The following ACOXL variants were observed in gnomAD, a reference collection of about 807,000 sequenced individuals.
The protein encoded by ACOXL is acyl-CoA oxidase like.
ACOXL carries 70 observed loss-of-function variants against 71.9 expected under a neutral mutation model. The ratio of observed to expected loss-of-function variants is 0.97; its 90% CI spans 0.80 to 1.19. ACOXL has a LOEUF of 1.19. Ranked by LOEUF, ACOXL falls within the 50% of genes most tolerant of loss-of-function variation. ACOXL has a pLI of 0.00. For missense variants in ACOXL, 703 were observed against 736.3 expected (o/e 0.95, Z 0.52); for synonymous variants, 253 against 281.6 (o/e 0.90, Z 1.02).
In ACOXL at chr2:111,039,700, C is replaced by A. The variant is rs547343292; in HGVS notation, c.1369+7986C>A. Among the ~76,000 whole-genome samples, 194 of 152,324 alleles carry A rather than the reference C, an allele frequency of 1.3e-3. 1 individual carries two copies. The highest frequency in any genetic ancestry group is 4.6e-3 in the African/African-American group (192 of 41,560). On this transcript the variant is annotated intron_variant, in intron 15 of 17. Coordinates refer to ENST00000439055, the MANE Select transcript of ACOXL (RefSeq NM_001142807.4). Reference sequence around the variant, plus strand: ...CCCCTGAAAATCACTCAGAAGTTCTCCCTTCATTGGCCACCTGGAAAATAA... The same window carrying A: ...CCCCTGAAAATCACTCAGAAGTTCTACCTTCATTGGCCACCTGGAAAATAA...
chr2:111,029,581 C>CT (rs1470952486), intron 14 of ACOXL, among the ~76,000 whole-genome samples: 1 of 152,236 alleles, frequency 6.6e-6, no homozygotes, highest in Non-Finnish European at 1.5e-5. Flanking sequence ...CCAATAAACT[C>CT]TAATTCAAGG....
At chr2:111,017,124 G>A (rs2064484472) in intron 14 of ACOXL, among the ~76,000 whole-genome samples, 1 of 152,240 alleles carries the variant, frequency 6.6e-6, no homozygotes. Context: ...CCGCACTACA[G>A]TTTCTTGAAG....
intron 12 of ACOXL, among the ~76,000 whole-genome samples, chr2:110,948,943 C>T (rs1047656664): frequency 6.6e-6 from 1 of 152,024 alleles, no homozygotes; most frequent in African/African-American, 2.4e-5. Flanking sequence ...AAATACCTCA[C>T]AGCAACCCCC....
At chr2:111,084,349 T>G (rs2068095295) in intron 16 of ACOXL, among the ~76,000 whole-genome samples, 1 of 150,578 alleles carries the variant, frequency 6.6e-6, no homozygotes, top group Admixed American at 6.6e-5. Context: ...TGTCCAAATA[T>G]AAACACAAAG....
At chr2:111,063,491 T>C (rs2066914643) in intron 16 of ACOXL, among the ~76,000 whole-genome samples, 1 of 152,114 alleles carries the variant, frequency 6.6e-6, no homozygotes, top group African/African-American at 2.4e-5. Flanking sequence ...CCAATCTAAT[T>C]CTTCATATTA....
At chr2:110,896,074 A>G (rs985472992) in intron 10 of ACOXL, among the ~76,000 whole-genome samples, 3 of 152,132 alleles carry the variant, frequency 2.0e-5, no homozygotes, top group African/African-American at 7.2e-5. Flanking sequence ...TAATAGAAGA[A>G]ATATTTAAGA....
chr2:110,894,070 CT>C (rs1164352444), intron 10 of ACOXL, among the ~76,000 whole-genome samples: 1 of 152,060 alleles, frequency 6.6e-6, no homozygotes, highest in Non-Finnish European at 1.5e-5. Context: ...GGTGAACTTT[CT>C]AAAAGTCGTA....
chr2:111,096,561 C>T (rs551311415), intron 17 of ACOXL, among the ~76,000 whole-genome samples: 1 of 152,122 alleles, frequency 6.6e-6, no homozygotes, highest in South Asian at 2.1e-4. Flanking sequence ...TTTTTCGTTT[C>T]CTGTTCCCCA....
chr2:110,811,250 C>T (rs1484270733), intron 9 of ACOXL, among the ~76,000 whole-genome samples: 1 of 152,216 alleles, frequency 6.6e-6, no homozygotes, highest in African/African-American at 2.4e-5. Flanking sequence ...TCACCATTCT[C>T]AGAGCCTGTC....
At position 110,753,240 on chromosome 2, in the gene ACOXL, C is replaced by G. The variant is rs546456572; in HGVS notation, c.-22-15128C>G. 2.0e-5 allele frequency among the ~76,000 whole-genome samples: 3 copies of G among 152,316 alleles called. No homozygotes were observed. The South Asian group carries it at 6.2e-4, about 32-fold the overall frequency. On this transcript the variant is annotated intron_variant, in intron 1 of 17. Transcript: ENST00000439055. ...CCATGAGTAGAAGTAGAAACCCTCA[C>G]TGAGGCCTCATCAGAAGCCGAGCAA...
At chr2:111,102,555 G>A (rs1297786778) in intron 17 of ACOXL, among the ~76,000 whole-genome samples, 2 of 152,140 alleles carry the variant, frequency 1.3e-5, no homozygotes, top group African/African-American at 2.4e-5. Context: ...GCCCTTCTCC[G>A]TGAGTGTCTT....
At chr2:110,851,876 G>A (rs1652400291) in intron 10 of ACOXL, among the ~76,000 whole-genome samples, 2 of 152,246 alleles carry the variant, frequency 1.3e-5, no homozygotes, top group Admixed American at 6.5e-5. Context: ...TGAGAAAGGC[G>A]CTCCATGTTC....
intron 16 of ACOXL, among the ~76,000 whole-genome samples, chr2:111,060,207 G>A (rs945309887): frequency 6.6e-6 from 1 of 152,122 alleles, no homozygotes; most frequent in African/African-American, 2.4e-5. Context: ...AGACCATCTG[G>A]GGAGCCTGGA....
intron 12 of ACOXL, among the ~76,000 whole-genome samples, chr2:110,943,192 A>C (rs2060953354): frequency 6.7e-6 from 1 of 148,784 alleles, no homozygotes; most frequent in Non-Finnish European, 1.5e-5. Context: ...GAAGGAAGGA[A>C]GGAAAGAGAA....
chr2:111,076,556 G>C (rs367814148), intron 16 of ACOXL, among the ~76,000 whole-genome samples: 112 of 152,066 alleles, frequency 7.4e-4, no homozygotes, highest in African/African-American at 2.7e-3. Context: ...TGATTGGTAT[G>C]TTTAAACTAT....
At chr2:111,038,802 G>C (rs1192181289) in intron 15 of ACOXL, among the ~76,000 whole-genome samples, 1 of 152,066 alleles carries the variant, frequency 6.6e-6, no homozygotes, top group Non-Finnish European at 1.5e-5. Flanking sequence ...TTTAAATTTA[G>C]GTTTTAAAGG....
chr2:111,021,922 C>T (rs77081316), intron 14 of ACOXL, among the ~76,000 whole-genome samples: 1 of 151,350 alleles, frequency 6.6e-6, no homozygotes, highest in South Asian at 2.1e-4. Flanking sequence ...CAGAAAAACA[C>T]GGCAAAATTA....
At chr2:110,894,418 C>T (rs2058921419) in intron 10 of ACOXL, among the ~76,000 whole-genome samples, 2 of 151,696 alleles carry the variant, frequency 1.3e-5, no homozygotes, top group Admixed American at 1.3e-4. Context: ...AAACTTTTAG[C>T]CAAATGTTCT....
At chr2:110,974,728 C>A (rs1441264861) in intron 12 of ACOXL, among the ~76,000 whole-genome samples, 1 of 152,116 alleles carries the variant, frequency 6.6e-6, no homozygotes, top group Non-Finnish European at 1.5e-5. Flanking sequence ...TTGCAGAGAC[C>A]TCTGTCTTGG....
Sources: gnomAD v4.1 joint callset for allele counts (sites outside exome capture counted in the v4.1 genomes callset) on GRCh38, gnomAD v4.1.1 for gene constraint, MANE v1.5 for transcripts, NCBI Gene and HGNC (gene_info 2026-07-23, HGNC 2026-07-21) for gene names.